The following ANKFN1 variants were observed in gnomAD, a reference collection of about 807,000 sequenced individuals.
ANKFN1 encodes ankyrin repeat and fibronectin type III domain containing 1, also known as ankyrin repeat and fibronectin type-III domain-containing protein 1.
ANKFN1 carries 74 observed loss-of-function variants against 108.7 expected under a neutral mutation model. That is an observed-to-expected ratio of 0.68 (90% CI 0.56 to 0.83). The LOEUF (loss-of-function observed/expected upper bound fraction) is 0.83. ANKFN1 is among the 40% of genes least tolerant of loss of function. The pLI, the probability that ANKFN1 is intolerant of heterozygous loss-of-function variation, is 0.00. For synonymous variants in ANKFN1, 547 were observed against 516.2 expected, an observed-to-expected ratio of 1.06 and a Z score of -0.81; for missense variants, 1,505 against 1,382.3, an observed-to-expected ratio of 1.09 and a Z score of -1.41.
intron 3 of ANKFN1, among the ~76,000 whole-genome samples, chr17:56,320,396 C>G (rs1025365760): frequency 6.6e-6 from 1 of 152,094 alleles, no homozygotes; most frequent in Non-Finnish European, 1.5e-5. Flanking sequence ...GATAAATGGG[C>G]TTCATTACCA....
intron 8 of ANKFN1, among the ~76,000 whole-genome samples, chr17:56,435,267 T>C (rs762374106): frequency 2.6e-5 from 4 of 152,220 alleles, no homozygotes; most frequent in Non-Finnish European, 4.4e-5. Flanking sequence ...ACCTACACTC[T>C]GCTAGGTGCT....
intron 3 of ANKFN1, among the ~76,000 whole-genome samples, chr17:56,230,725 G>C (rs1022443020): frequency 2.0e-5 from 3 of 152,050 alleles, no homozygotes; most frequent in African/African-American, 7.2e-5. Context: ...AAAGAAACCT[G>C]AATTATCTAG....
chr17:56,214,655 C>A (rs1269153791), intron 2 of ANKFN1, among the ~76,000 whole-genome samples: 1 of 152,096 alleles, frequency 6.6e-6, no homozygotes. Flanking sequence ...ACCTGGTTTC[C>A]ACTCCTTCAA....
At chr17:56,242,972 G>A (rs1258652833) in intron 3 of ANKFN1, among the ~76,000 whole-genome samples, 1 of 151,978 alleles carries the variant, frequency 6.6e-6, no homozygotes, top group East Asian at 1.9e-4. Flanking sequence ...AATATTCATA[G>A]ATTTTCTGAC....
chr17:56,123,367 T>C (rs1906733595), intron 4 of ANKFN1, among the ~76,000 whole-genome samples: 1 of 152,202 alleles, frequency 6.6e-6, no homozygotes, highest in South Asian at 2.1e-4. Flanking sequence ...GGGAGTTTAA[T>C]GGATAGGCTT....
intron 3 of ANKFN1, among the ~76,000 whole-genome samples, chr17:56,305,915 C>T (rs770240725): frequency 3.9e-5 from 6 of 152,060 alleles, no homozygotes; most frequent in African/African-American, 1.2e-4. Flanking sequence ...ACGGTACTAC[C>T]TTTTCTATGT....
chr17:56,414,634 T>C (rs1004350173), intron 8 of ANKFN1, among the ~76,000 whole-genome samples: 1 of 152,186 alleles, frequency 6.6e-6, no homozygotes. Flanking sequence ...TAATGTAATA[T>C]ATCATATAAT....
At chr17:56,203,169 A>T (rs755903006) in intron 1 of ANKFN1, among the ~76,000 whole-genome samples, 1 of 152,180 alleles carries the variant, frequency 6.6e-6, no homozygotes, top group African/African-American at 2.4e-5. Flanking sequence ...ATCTACTGTA[A>T]GTTTCCAGGG....
At chr17:56,456,748 A>T (rs890683975) in intron 11 of ANKFN1, 113 bp from the exon 12 acceptor site, 1 of 830,462 alleles carries the variant, frequency 1.2e-6, no homozygotes, top group Non-Finnish European at 2.0e-6. Context: ...GAACCTGAGG[A>T]TAAGTGACAC....
At chr17:56,378,764 G>A (rs529260287) in intron 8 of ANKFN1, among the ~76,000 whole-genome samples, 1 of 152,276 alleles carries the variant, frequency 6.6e-6, no homozygotes, top group South Asian at 2.1e-4. Context: ...TTGTGTTAGG[G>A]TGAAAATATG....
chr17:56,166,394 G>A (rs544751846), intron 1 of ANKFN1, among the ~76,000 whole-genome samples: 46 of 152,228 alleles, frequency 3.0e-4, no homozygotes, highest in Non-Finnish European at 5.6e-4. Context: ...CCCACTGAGC[G>A]CTAATAAGCT....
chr17:56,359,232 A>G (rs1298838681), intron 6 of ANKFN1, among the ~76,000 whole-genome samples: 1 of 152,188 alleles, frequency 6.6e-6, no homozygotes, highest in East Asian at 1.9e-4. Flanking sequence ...TATCATCGAC[A>G]CAGACACACA....
Position 56,511,015 on chromosome 17 carries a change from G to T in ANKFN1, c.3187G>T (p.Gly1063Cys), listed in dbSNP as rs1459515203. 5 of 1,536,006 alleles carry T rather than the reference G, an allele frequency of 3.3e-6. No individual in the cohort carries two copies. Among genetic ancestry groups the T allele is most frequent in the Non-Finnish European group, 4.4e-6 (5 of 1,146,886 alleles). Residue 1063 changes from glycine to cysteine, a missense_variant, in exon 21 of 21, where the codon GGC (glycine) becomes TGC (cysteine). By Grantham distance (159) the Gly-to-Cys change is radical. Transcript: ENST00000682825. ...RAGPALDDPR[G>C]LTLAHAASLP... ...CGGCCCTGCCCTTGATGATCCCAGG[G>T]GCCTAACTCTGGCCCACGCTGCCAG...
At chr17:56,258,601 CT>C (rs1169561414) in intron 3 of ANKFN1, among the ~76,000 whole-genome samples, 3 of 152,142 alleles carry the variant, frequency 2.0e-5, no homozygotes, top group Non-Finnish European at 4.4e-5. Context: ...GCATCTAGTA[CT>C]GGCATCTTTA....
chr17:56,174,166 G>A (rs965695237), intron 1 of ANKFN1: 6 of 984,880 alleles, frequency 6.1e-6, no homozygotes, highest in Non-Finnish European at 6.0e-6. Flanking sequence ...TTCTCTGGAG[G>A]CTGCATTCAT....
chr17:56,463,599 G>T (rs1272630761), intron 14 of ANKFN1, among the ~76,000 whole-genome samples: 2 of 152,142 alleles, frequency 1.3e-5, no homozygotes, highest in Non-Finnish European at 2.9e-5. Flanking sequence ...AGGGCCCAAA[G>T]AGGGAGAAGT....
intron 1 of ANKFN1, among the ~76,000 whole-genome samples, chr17:56,161,981 C>T (rs1293082493): frequency 6.6e-6 from 1 of 152,130 alleles, no homozygotes; most frequent in African/African-American, 2.4e-5. Context: ...CTGATCAGCA[C>T]CATGAGTAAG....
intron 16 of ANKFN1, among the ~76,000 whole-genome samples, chr17:56,477,985 G>A (rs900938254): frequency 5.3e-5 from 8 of 152,056 alleles, no homozygotes; most frequent in Non-Finnish European, 1.0e-4. Context: ...GCACCACCAC[G>A]CCCAGCTAAC....
chr17:56,302,731 T>A (rs2044709233), intron 3 of ANKFN1, among the ~76,000 whole-genome samples: 1 of 152,212 alleles, frequency 6.6e-6, no homozygotes, highest in African/African-American at 2.4e-5. Flanking sequence ...CTATATTTTC[T>A]ACGCATAGGC....
Sources: allele counts gnomAD v4.1 joint callset (sites outside exome capture counted in the v4.1 genomes callset), GRCh38; gene constraint gnomAD v4.1.1; transcripts MANE v1.5; gene names NCBI Gene and HGNC (gene_info 2026-07-23, HGNC 2026-07-21).